The following DNM2 variants were observed in gnomAD, a reference collection of about 807,000 sequenced individuals.
The protein encoded by DNM2 is dynamin-2.
Under a neutral mutation model 99.0 loss-of-function variants are expected in DNM2, and 15 were observed. The observed-to-expected ratio is 0.15, with a 90% CI of 0.10 to 0.23. The LOEUF (loss-of-function observed/expected upper bound fraction) is 0.23. Among genes scored for constraint, DNM2 ranks in the 10% least tolerant of loss-of-function variants. The probability of loss-of-function intolerance (pLI) is 1.00; values close to 1 mark genes in which losing one functional copy is unlikely to be tolerated. For missense variants in DNM2, 742 were observed against 1,189.4 expected, an observed-to-expected ratio of 0.62 and a Z score of 5.53; for synonymous variants, 525 against 481.2, an observed-to-expected ratio of 1.09 and a Z score of -1.19.
chr19:10,745,703 A>G (rs2069941954), intron 1 of DNM2, among the ~76,000 whole-genome samples: 1 of 152,108 alleles, frequency 6.6e-6, no homozygotes, highest in African/African-American at 2.4e-5. Flanking sequence ...TCTCTGAAAA[A>G]AGAGGTGCAA....
intron 18 of DNM2, 191 bp from the exon 19 acceptor site, chr19:10,828,845 A>G (rs2073236129): frequency 2.0e-5 from 12 of 610,666 alleles, no homozygotes; most frequent in Non-Finnish European, 3.2e-5. Flanking sequence ...TAATTACTTG[A>G]ACCCGGGAGG....
chr19:10,777,272 C>A, intron 5 of DNM2, 56 bp downstream of exon 5: 1 of 1,538,858 alleles, frequency 6.5e-7, no homozygotes, highest in Non-Finnish European at 8.9e-7. Flanking sequence ...CTTATCATTA[C>A]TGAAACCCCA....
intron 1 of DNM2, among the ~76,000 whole-genome samples, chr19:10,749,692 ATACT>A (rs1300739817): frequency 6.6e-6 from 1 of 152,214 alleles, no homozygotes; most frequent in African/African-American, 2.4e-5. Flanking sequence ...CATTCAACAA[ATACT>A]TAATGAGCAC....
Position 10,829,174 on chromosome 19 carries a change from C to T in DNM2, c.2197C>T (p.Leu733Phe), listed in dbSNP as rs1568324227. ...CATGTACCATGCCCTCAAGGAGGCG[C>T]TCAACATCATCGGTGACATCAGCAC... ...LRMYHALKEA[L>F]NIIGDISTST... Residue 733 changes from leucine (L) to phenylalanine (F), a missense_variant, in exon 19 of 21, where the codon CTC becomes TTC. This residue lies in a region of DNM2 where 187 missense variants were observed against 218.8 expected (regional missense o/e 0.85). Coordinates refer to ENST00000389253, the MANE Select transcript of DNM2 (RefSeq NM_001005361.3). 3.7e-6 allele frequency: 6 copies of T among 1,614,076 alleles called. No homozygotes were observed. The highest frequency in any genetic ancestry group is 5.1e-6 in the Non-Finnish European group (6 of 1,180,034).
chr19:10,778,429 A>G (rs1599535321), intron 5 of DNM2, among the ~76,000 whole-genome samples: 1 of 152,034 alleles, frequency 6.6e-6, no homozygotes, highest in South Asian at 2.1e-4. Flanking sequence ...AGGCAGGAGG[A>G]TGCCTTGAGG....
At chr19:10,800,042 A>C (rs2072081115) in intron 11 of DNM2, among the ~76,000 whole-genome samples, 1 of 151,348 alleles carries the variant, frequency 6.6e-6, no homozygotes, top group East Asian at 1.9e-4. Context: ...TTTTTAGTAG[A>C]GATGAGGTTT....
In DNM2 at chr19:10,820,137, C is replaced by T; in HGVS notation, c.1781+48C>T. ...GATGGCTCGGGGTGAAGACCAATGG[C>T]CTCATTCACACTCCACAACCTTCAC... On this transcript the variant is annotated intron_variant, in intron 16 of 20. Coordinates refer to ENST00000389253, the MANE Select transcript of DNM2 (RefSeq NM_001005361.3). This position sits in a 1 kb window ranked among gnomAD's most constrained non-coding sequence, Gnocchi z 4.3. 6.4e-7 allele frequency: 1 copy of T among 1,565,062 alleles called. No homozygotes were observed. Among genetic ancestry groups the T allele is most frequent in the South Asian group, 1.1e-5 (1 of 90,128 alleles).
chr19:10,825,354 G>A (rs1411659961), intron 18 of DNM2, 133 bp downstream of exon 18: 2 of 1,268,190 alleles, frequency 1.6e-6, no homozygotes, highest in Admixed American at 1.9e-5. Flanking sequence ...GGCCAAAACG[G>A]TGAAACCCCA....
chr19:10,727,226 A>G (rs1444508844), intron 1 of DNM2, among the ~76,000 whole-genome samples: 1 of 152,150 alleles, frequency 6.6e-6, no homozygotes, highest in Non-Finnish European at 1.5e-5. Context: ...AGAGTTACTT[A>G]TTGACGGATA....
In DNM2 at chr19:10,825,513, A is replaced by C. The variant is rs576987452; in HGVS notation, c.2058+292A>C. On this transcript the variant is annotated intron_variant, in intron 18 of 20. Transcript: ENST00000389253. ...GTGAAACCCCATCTCTACTAAATAT[A>C]CAAAAATTAGCCGGGCACGGTAGCT... Among the ~76,000 whole-genome samples, 437 of 151,960 alleles carry C rather than the reference A, an allele frequency of 2.9e-3. No homozygotes were observed. Among genetic ancestry groups the C allele is most frequent in the African/African-American group, 0.01 (424 of 41,442 alleles).
Position 10,772,771 on chromosome 19 carries a change from A to G in DNM2, c.385+143A>G. 1 of 1,294,400 alleles carries G rather than the reference A, an allele frequency of 7.7e-7. No individual in the cohort carries two copies. Among genetic ancestry groups the G allele is most frequent in the Non-Finnish European group, 1.1e-6 (1 of 926,942 alleles). 80.2% of individuals were successfully genotyped at this position (1,294,400 alleles called of 1,614,324 possible). Reference sequence around the variant, plus strand: ...ATATTCACACACACATAGCCCCTTGATCTGTATCTTCCCACTTGTGCTAGG... The same window carrying G: ...ATATTCACACACACATAGCCCCTTGGTCTGTATCTTCCCACTTGTGCTAGG... On this transcript the variant is annotated intron_variant, in intron 3 of 20. Coordinates refer to ENST00000389253, the MANE Select transcript of DNM2 (RefSeq NM_001005361.3). This position sits in a 1 kb window ranked among gnomAD's most constrained non-coding sequence, Gnocchi z 4.9.
chr19:10,821,370 A>G (rs1024637767), intron 16 of DNM2, among the ~76,000 whole-genome samples: 1 of 152,096 alleles, frequency 6.6e-6, no homozygotes, highest in Non-Finnish European at 1.5e-5. Context: ...CAAAAACAAG[A>G]TAAGATGGTT....
chr19:10,749,925 C>G (rs145402850), intron 1 of DNM2, among the ~76,000 whole-genome samples: 1 of 152,272 alleles, frequency 6.6e-6, no homozygotes, highest in South Asian at 2.1e-4. Context: ...GAGGGAACAC[C>G]CCCTGCAAAG....
intron 1 of DNM2, among the ~76,000 whole-genome samples, chr19:10,747,794 A>G (rs1160750706): frequency 1.3e-5 from 2 of 152,134 alleles, no homozygotes; most frequent in Non-Finnish European, 1.5e-5. Context: ...GGAACCCGGA[A>G]GATGCCAGTT....
intron 3 of DNM2, among the ~76,000 whole-genome samples, chr19:10,773,185 T>C (rs1440397490): frequency 1.4e-5 from 2 of 147,634 alleles, no homozygotes; most frequent in Non-Finnish European, 3.0e-5. Flanking sequence ...TCTCGCTCTG[T>C]CGCCCAGACT....
chr19:10,804,531 A>C (rs2072268944), intron 12 of DNM2, among the ~76,000 whole-genome samples: 1 of 152,076 alleles, frequency 6.6e-6, no homozygotes, highest in South Asian at 2.1e-4. Flanking sequence ...TCTCTACAAA[A>C]AATACAAAAA....
At chr19:10,763,917 T>G (rs2070715377) in intron 2 of DNM2, among the ~76,000 whole-genome samples, 1 of 150,752 alleles carries the variant, frequency 6.6e-6, no homozygotes, top group Admixed American at 6.6e-5. Context: ...CAAGAGGCAA[T>G]GGGGGCCTGG....
intron 3 of DNM2, among the ~76,000 whole-genome samples, chr19:10,774,418 A>T (rs2071081155): frequency 6.6e-6 from 1 of 152,220 alleles, no homozygotes; most frequent in South Asian, 2.1e-4. Flanking sequence ...TGTTAGCATA[A>T]CATAAAAATC....
At chr19:10,733,257 T>C (rs1442947618) in intron 1 of DNM2, among the ~76,000 whole-genome samples, 3 of 149,498 alleles carry the variant, frequency 2.0e-5, no homozygotes, top group African/African-American at 4.9e-5. Context: ...AGTGGCATGA[T>C]GTCGGCTTAC....
Sources: gnomAD v4.1 joint callset for allele counts (sites outside exome capture counted in the v4.1 genomes callset) on GRCh38, gnomAD v4.1.1 for gene constraint, gnomAD v4.1.1 regional missense constraint, Gnocchi (gnomAD v3.1) non-coding constraint, MANE v1.5 for transcripts, NCBI Gene and HGNC (gene_info 2026-07-23, HGNC 2026-07-21) for gene names.